Variants in USP34 observed in about 807,000 individuals in gnomAD.
The protein encoded by USP34 is ubiquitin carboxyl-terminal hydrolase 34.
A neutral mutation model predicts 460.3 loss-of-function variants in USP34; 70 were observed. That is an observed-to-expected ratio of 0.15 (90% CI 0.13 to 0.19). The LOEUF (loss-of-function observed/expected upper bound fraction) is 0.19. USP34 is among the 10% of genes least tolerant of loss of function. The pLI is 1.00. For missense variants in USP34, 3,985 were observed against 4,236.2 expected, an observed-to-expected ratio of 0.94 and a Z score of 1.65; for synonymous variants, 1,647 against 1,405.3, an observed-to-expected ratio of 1.17 and a Z score of -3.85.
At chr2:61,218,164 GTT>G (rs202133746) in intron 67 of USP34, among the ~76,000 whole-genome samples, 18 of 144,784 alleles carry the variant, frequency 1.2e-4, no homozygotes, top group Admixed American at 6.2e-4. Context: ...GTTCAGCATA[GTT>G]TTTTTTTTTT....
At chr2:61,431,790 G>T (rs1244110743) in intron 1 of USP34, among the ~76,000 whole-genome samples, 1 of 152,106 alleles carries the variant, frequency 6.6e-6, no homozygotes, top group Non-Finnish European at 1.5e-5. Flanking sequence ...GGAGGCGGAG[G>T]TTGCAGTGAG....
intron 27 of USP34, among the ~76,000 whole-genome samples, chr2:61,306,470 T>C (rs944809399): frequency 7.2e-5 from 11 of 152,228 alleles, no homozygotes; most frequent in African/African-American, 1.9e-4. Flanking sequence ...TTGGTTACTA[T>C]AGCCTTGTAG....
At chr2:61,415,306 G>A (rs765905554) in intron 2 of USP34, among the ~76,000 whole-genome samples, 10 of 152,198 alleles carry the variant, frequency 6.6e-5, no homozygotes, top group Non-Finnish European at 1.0e-4. Context: ...GTTTATGAGC[G>A]TTTGAGAGAA....
chr2:61,272,203 A>G (rs1689236251), intron 41 of USP34, among the ~76,000 whole-genome samples: 1 of 152,120 alleles, frequency 6.6e-6, no homozygotes, highest in African/African-American at 2.4e-5. Context: ...TGAGGTCAGG[A>G]TATCGAGACC....
intron 52 of USP34, 55 bp from the exon 53 acceptor site, chr2:61,241,710 A>G: frequency 6.6e-7 from 1 of 1,519,406 alleles, no homozygotes; most frequent in East Asian, 2.3e-5. Flanking sequence ...TTACTCTAAA[A>G]GTAGACAATG....
chr2:61,436,267 T>A (rs1489660570), intron 1 of USP34, among the ~76,000 whole-genome samples: 2 of 151,962 alleles, frequency 1.3e-5, no homozygotes, highest in Admixed American at 1.3e-4. Flanking sequence ...GAGGAAGAGG[T>A]TGCAGTGAGT....
At chr2:61,265,694 T>C in intron 42 of USP34, 137 bp from the exon 43 acceptor site, 1 of 758,916 alleles carries the variant, frequency 1.3e-6, no homozygotes, top group East Asian at 3.4e-5. Context: ...ATTTTTTAAA[T>C]AAAAAAAAAT....
chr2:61,281,113 C>T lies in USP34; in HGVS notation c.5128G>A (p.Ala1710Thr), dbSNP rs764371650. ...ASTLLKFLPD[A>T]QALKPIRIDD... ...ACCCTAATAGGTTTGAGTGCTTGAG[C>T]ATCAGGAAGAAATTTCAATAATGTT... Residue 1710 changes from alanine (A) to threonine (T), a missense_variant, in exon 38 of 80, where the codon GCT becomes ACT. By Grantham distance (58) the Ala-to-Thr change is moderately conservative (BLOSUM62 0). This residue lies in a region of USP34 where 1,114 missense variants were observed against 1,122.5 expected (regional missense o/e 0.99). Coordinates refer to ENST00000398571, the MANE Select transcript of USP34 (RefSeq NM_014709.4). 6.2e-7 allele frequency: 1 copy of T among 1,613,566 alleles called. No homozygotes were observed. The highest frequency in any genetic ancestry group is 8.5e-7 in the Non-Finnish European group (1 of 1,179,750).
intron 1 of USP34, among the ~76,000 whole-genome samples, chr2:61,457,315 G>T (rs1401866018): frequency 1.3e-5 from 2 of 152,100 alleles, no homozygotes; most frequent in Non-Finnish European, 2.9e-5. Context: ...CCATAGGAAG[G>T]GCCAAACTGA....
intron 21 of USP34, among the ~76,000 whole-genome samples, chr2:61,320,915 C>G (rs1283939954): frequency 6.6e-6 from 1 of 152,078 alleles, no homozygotes; most frequent in Non-Finnish European, 1.5e-5. Flanking sequence ...GAGGATAAGG[C>G]ACGAGAATCG....
At position 61,301,468 on chromosome 2, in the gene USP34, A is replaced by C. The variant is rs769234259; in HGVS notation, c.3818-14T>G. 26 of 1,601,386 alleles carry C rather than the reference A, an allele frequency of 1.6e-5. No individual in the cohort carries two copies. The highest frequency in any genetic ancestry group is 2.2e-5 in the Non-Finnish European group (26 of 1,173,538). ...CCATGAGGCCTCCTTAAAAACAGCA[A>C]AACATGGAAATGAATTTGTTTTTAA... On this transcript the variant is annotated splice_polypyrimidine_tract_variant and intron_variant, in intron 27 of 79. Transcript: ENST00000398571.
At chr2:61,217,679 G>A (rs1239517806) in intron 67 of USP34, among the ~76,000 whole-genome samples, 1 of 152,198 alleles carries the variant, frequency 6.6e-6, no homozygotes, top group Non-Finnish European at 1.5e-5. Flanking sequence ...AAACCAGCAG[G>A]GCACAGTGGC....
intron 10 of USP34, among the ~76,000 whole-genome samples, chr2:61,356,615 A>G (rs1039130416): frequency 6.6e-6 from 1 of 152,226 alleles, no homozygotes; most frequent in Non-Finnish European, 1.5e-5. Flanking sequence ...CAGTCACAAA[A>G]GGACAAATAT....
intron 53 of USP34, among the ~76,000 whole-genome samples, chr2:61,237,701 T>C (rs1434155175): frequency 3.3e-5 from 5 of 151,180 alleles, no homozygotes; most frequent in African/African-American, 4.9e-5. Context: ...CCTGAGCAGC[T>C]GGGACCACAG....
At chr2:61,455,197 G>T (rs1181829090) in intron 1 of USP34, among the ~76,000 whole-genome samples, 1 of 151,592 alleles carries the variant, frequency 6.6e-6, no homozygotes, top group Non-Finnish European at 1.5e-5. Flanking sequence ...GTTTGTTTTT[G>T]AGACAGAGTC....
At chr2:61,355,574 A>G (rs1474546500) in intron 10 of USP34, among the ~76,000 whole-genome samples, 1 of 152,156 alleles carries the variant, frequency 6.6e-6, no homozygotes, top group Admixed American at 6.6e-5. Flanking sequence ...TAAATACAGA[A>G]GAAAATTAAA....
chr2:61,444,342 T>C (rs1268380742), intron 1 of USP34, among the ~76,000 whole-genome samples: 2 of 151,782 alleles, frequency 1.3e-5, no homozygotes, highest in Non-Finnish European at 2.9e-5. Context: ...TTAATACAGA[T>C]TAAACAAGAC....
At chr2:61,303,601 C>CTT (rs891997196) in intron 27 of USP34, among the ~76,000 whole-genome samples, 2 of 145,910 alleles carry the variant, frequency 1.4e-5, no homozygotes, top group Non-Finnish European at 1.5e-5. Flanking sequence ...CTGTATTAAA[C>CTT]TTTTTTTTTT....
intron 1 of USP34, among the ~76,000 whole-genome samples, chr2:61,428,326 T>C (rs1020220268): frequency 6.6e-6 from 1 of 151,028 alleles, no homozygotes; most frequent in Non-Finnish European, 1.5e-5. Flanking sequence ...AATCAGCCAT[T>C]CATCCTGACT....
Sources: gnomAD v4.1 joint callset for allele counts (sites outside exome capture counted in the v4.1 genomes callset) on GRCh38, gnomAD v4.1.1 for gene constraint, gnomAD v4.1.1 regional missense constraint, MANE v1.5 for transcripts, NCBI Gene and HGNC (gene_info 2026-07-23, HGNC 2026-07-21) for gene names.